PTPRG: variants seen among roughly 807,000 people sequenced by gnomAD.
PTPRG encodes receptor-type tyrosine-protein phosphatase gamma.
Under a neutral mutation model 165.3 loss-of-function variants are expected in PTPRG, and 102 were observed. The observed-to-expected ratio is 0.62, with a 90% CI of 0.53 to 0.73. PTPRG has a LOEUF of 0.73. Among genes scored for constraint, PTPRG ranks in the 30% least tolerant of loss-of-function variants. The pLI, the probability that PTPRG is intolerant of heterozygous loss-of-function variation, is 0.00. For synonymous variants in PTPRG, 675 were observed against 669.5 expected, an observed-to-expected ratio of 1.01 and a Z score of -0.13; for missense variants, 1,866 against 1,861.4, an observed-to-expected ratio of 1.00 and a Z score of -0.05.
chr3:62,191,569 C>T lies in PTPRG; in HGVS notation c.1134C>T (p.Ile378=). 1 of 1,614,182 alleles carries T rather than the reference C, an allele frequency of 6.2e-7. No individual in the cohort carries two copies. The highest frequency in any genetic ancestry group is 8.5e-7 in the Non-Finnish European group (1 of 1,180,024). Residue 378 remains isoleucine (I), a synonymous_variant, in exon 9 of 30, where the codon ATC becomes ATT. Coordinates refer to ENST00000474889, the MANE Select transcript of PTPRG (RefSeq NM_002841.4). ...CGGAGACTATCTACCACCCACCCAT[C>T]ATGAACTACATGATCTCCTACAGCT... The part of the protein sequence containing the change: ...SQPETIYHPP[I]MNYMISYSWT...
At chr3:61,880,643 AAG>A (rs1185362004) in intron 2 of PTPRG, among the ~76,000 whole-genome samples, 1 of 150,096 alleles carries the variant, frequency 6.7e-6, no homozygotes, top group Non-Finnish European at 1.5e-5. Context: ...AAAAAAAAAA[AAG>A]AGAGAGACCT....
rs181945399 is a variant in PTPRG at position 62,144,478 on chromosome 3, A to G, written c.682+11810A>G. Among the ~76,000 whole-genome samples, 504 of 152,358 alleles carry G rather than the reference A, an allele frequency of 3.3e-3. 12 individuals carry two copies. Among genetic ancestry groups the G allele is most frequent in the Admixed American group, 0.029 (438 of 15,306 alleles). On this transcript the variant is annotated intron_variant, in intron 6 of 29. Coordinates refer to ENST00000474889, the MANE Select transcript of PTPRG (RefSeq NM_002841.4). The stretch of plus-strand genomic sequence containing the variant: ...CAGGAAAACCAATGCTGTATTATCT[A>G]TAGCTCACTGATAATTTTGAACATC...
At chr3:61,968,646 C>G (rs1427052384) in intron 2 of PTPRG, among the ~76,000 whole-genome samples, 1 of 152,154 alleles carries the variant, frequency 6.6e-6, no homozygotes, top group Non-Finnish European at 1.5e-5. Context: ...AGATTTCAAA[C>G]TAAAATTCCA....
At chr3:61,879,486 A>C (rs2037829219) in intron 2 of PTPRG, among the ~76,000 whole-genome samples, 1 of 152,110 alleles carries the variant, frequency 6.6e-6, no homozygotes, top group Non-Finnish European at 1.5e-5. Context: ...TTTTTAAACG[A>C]AATTGTTTTC....
rs538594162 is a variant in PTPRG at position 61,579,722 on chromosome 3, GA to G, written c.85+17352del. ...GCTTGTGAATTGCACTTATTGGATT[GA>G]ATTTTGGGTACTTTAAGAGCTGAGT... On this transcript the variant is annotated intron_variant, in intron 1 of 29. Coordinates refer to ENST00000474889, the MANE Select transcript of PTPRG (RefSeq NM_002841.4). 1.7e-3 allele frequency among the ~76,000 whole-genome samples: 259 copies of G among 152,336 alleles called. 1 individual carries two copies. The highest frequency in any genetic ancestry group is 5.9e-3 in the African/African-American group (244 of 41,574).
intron 1 of PTPRG, among the ~76,000 whole-genome samples, chr3:61,593,921 CTT>C (rs1700634864): frequency 6.6e-6 from 1 of 152,210 alleles, no homozygotes; most frequent in East Asian, 1.9e-4. Flanking sequence ...AACGAATTCT[CTT>C]TTTTCCTTAA....
chr3:61,934,460 T>C (rs531823216), intron 2 of PTPRG, among the ~76,000 whole-genome samples: 46 of 152,210 alleles, frequency 3.0e-4, no homozygotes, highest in Non-Finnish European at 5.6e-4. Flanking sequence ...TTTAACGATA[T>C]GCTGAATTTT....
chr3:61,975,177 A>T (rs2040473563), intron 2 of PTPRG, among the ~76,000 whole-genome samples: 1 of 152,176 alleles, frequency 6.6e-6, no homozygotes. Flanking sequence ...GTTACCTGTT[A>T]ATAAAGAATT....
intron 1 of PTPRG, among the ~76,000 whole-genome samples, chr3:61,582,812 G>A (rs551017414): frequency 6.6e-6 from 1 of 152,218 alleles, no homozygotes; most frequent in Admixed American, 6.5e-5. Flanking sequence ...GAAACGCCAT[G>A]TGTTAGCACT....
At chr3:61,968,802 C>T (rs1171868258) in intron 2 of PTPRG, among the ~76,000 whole-genome samples, 1 of 152,044 alleles carries the variant, frequency 6.6e-6, no homozygotes, top group Non-Finnish European at 1.5e-5. Flanking sequence ...ATCACTGTAT[C>T]GATGGTGATA....
chr3:61,616,309 G>A (rs1360555781), intron 1 of PTPRG, among the ~76,000 whole-genome samples: 2 of 152,168 alleles, frequency 1.3e-5, no homozygotes, highest in Non-Finnish European at 2.9e-5. Flanking sequence ...CAGCCCCCAG[G>A]CCCTTTTAGT....
At chr3:62,068,483 T>C (rs757026325) in intron 4 of PTPRG, among the ~76,000 whole-genome samples, 20 of 152,186 alleles carry the variant, frequency 1.3e-4, no homozygotes, top group Non-Finnish European at 2.5e-4. Flanking sequence ...TTTGTTTGTT[T>C]GTTTTTAATT....
At chr3:61,875,675 A>C (rs2037720285) in intron 2 of PTPRG, among the ~76,000 whole-genome samples, 2 of 152,122 alleles carry the variant, frequency 1.3e-5, no homozygotes, top group Admixed American at 1.3e-4. Context: ...CACACACAGC[A>C]CACACTTTAT....
intron 1 of PTPRG, among the ~76,000 whole-genome samples, chr3:61,645,446 C>G (rs1213754004): frequency 2.6e-5 from 4 of 152,312 alleles, no homozygotes; most frequent in Non-Finnish European, 5.9e-5. Context: ...GGGCATGTGA[C>G]CCGGGCTCCA....
At chr3:61,577,698 C>T (rs532717683) in intron 1 of PTPRG, among the ~76,000 whole-genome samples, 8 of 152,254 alleles carry the variant, frequency 5.3e-5, no homozygotes, top group Non-Finnish European at 8.8e-5. Flanking sequence ...TTTTATCGGA[C>T]GGCACTGGTC....
At chr3:62,107,548 CT>C (rs1367580021) in intron 5 of PTPRG, among the ~76,000 whole-genome samples, 1 of 152,196 alleles carries the variant, frequency 6.6e-6, no homozygotes, top group Non-Finnish European at 1.5e-5. Context: ...GTTAAGACCC[CT>C]CTGGAGATTT....
chr3:62,169,967 T>C (rs1051677606), intron 8 of PTPRG, among the ~76,000 whole-genome samples: 8 of 152,178 alleles, frequency 5.3e-5, no homozygotes, highest in Admixed American at 5.2e-4. Context: ...TCTAGGCTCA[T>C]GTTTCTGAAA....
chr3:62,095,938 T>C (rs940443526), intron 5 of PTPRG, among the ~76,000 whole-genome samples: 2 of 152,068 alleles, frequency 1.3e-5, no homozygotes, highest in Non-Finnish European at 2.9e-5. Context: ...AGCTAGAGCA[T>C]TGACTTCACT....
intron 2 of PTPRG, among the ~76,000 whole-genome samples, chr3:61,968,902 T>A (rs1248294873): frequency 2.0e-5 from 3 of 152,200 alleles, no homozygotes; most frequent in Non-Finnish European, 4.4e-5. Flanking sequence ...ATAGCTCACC[T>A]TTATTTAAAC....
Sources: allele counts gnomAD v4.1 joint callset (sites outside exome capture counted in the v4.1 genomes callset), GRCh38; gene constraint gnomAD v4.1.1; transcripts MANE v1.5; gene names NCBI Gene and HGNC (gene_info 2026-07-23, HGNC 2026-07-21).